Variants in MAP3K13 observed in about 807,000 individuals in gnomAD.
The protein encoded by MAP3K13 is leucine zipper-bearing kinase.
A neutral mutation model predicts 104.0 loss-of-function variants in MAP3K13; 52 were observed. The observed-to-expected ratio is 0.50, with a 90% CI of 0.40 to 0.63. MAP3K13 has a LOEUF of 0.63. MAP3K13 is among the 20% of genes least tolerant of loss of function. The pLI is 0.00. For synonymous variants in MAP3K13, 394 were observed against 442.2 expected (o/e 0.89, Z 1.37); for missense variants, 914 against 1,218.5 (o/e 0.75, Z 3.72).
At chr3:185,356,366 A>C (rs1275020827) in intron 2 of MAP3K13, among the ~76,000 whole-genome samples, 1 of 152,212 alleles carries the variant, frequency 6.6e-6, no homozygotes, top group African/African-American at 2.4e-5. Context: ...AACCTTTATC[A>C]AACTTGTTTG....
intron 2 of MAP3K13, among the ~76,000 whole-genome samples, chr3:185,337,821 G>A (rs936760459): frequency 6.6e-6 from 1 of 151,924 alleles, no homozygotes; most frequent in African/African-American, 2.4e-5. Flanking sequence ...ATAATATGGT[G>A]GGGGTGGGGA....
In MAP3K13 at chr3:185,486,279, T is replaced by G. The variant is rs943716065; in HGVS notation, c.*3823T>G. On this transcript the variant is annotated 3_prime_UTR_variant, in exon 14 of 14. Coordinates refer to ENST00000265026, the MANE Select transcript of MAP3K13 (RefSeq NM_004721.5). ...TTATGTGGATTAACTGTTATGAGTA[T>G]GTTAGGGTAGTACGTAGTGGCTGAA... The G allele has an allele frequency of 6.6e-6, 1 of 152,236 alleles. No homozygotes were observed. The highest frequency in any genetic ancestry group is 1.5e-5 in the Non-Finnish European group (1 of 68,052). The allele number at this position is 152,236 out of a possible 1,614,324, so 9.4% of individuals were successfully genotyped here.
intron 12 of MAP3K13, among the ~76,000 whole-genome samples, chr3:185,479,386 C>G (rs1718320435): frequency 6.6e-6 from 1 of 152,128 alleles, no homozygotes; most frequent in Non-Finnish European, 1.5e-5. Flanking sequence ...CATGGTGTGG[C>G]CTTAAACAAG....
At chr3:185,345,926 A>G (rs1722905449) in intron 2 of MAP3K13, among the ~76,000 whole-genome samples, 1 of 149,826 alleles carries the variant, frequency 6.7e-6, no homozygotes. Flanking sequence ...ATAGTGTATT[A>G]CAGAATCATT....
At chr3:185,465,419 C>T (rs1717355717) in intron 8 of MAP3K13, among the ~76,000 whole-genome samples, 1 of 152,220 alleles carries the variant, frequency 6.6e-6, no homozygotes, top group Admixed American at 6.5e-5. Flanking sequence ...ATGGTGTTGG[C>T]TTTAACTGCA....
chr3:185,468,925 A>G (rs1302244697), intron 10 of MAP3K13, among the ~76,000 whole-genome samples: 1 of 152,210 alleles, frequency 6.6e-6, no homozygotes, highest in Non-Finnish European at 1.5e-5. Context: ...GAGAAAATAG[A>G]ACTATTTAGC....
chr3:185,398,251 C>T (rs1712542665), intron 1 of MAP3K13, among the ~76,000 whole-genome samples: 1 of 152,000 alleles, frequency 6.6e-6, no homozygotes, highest in South Asian at 2.1e-4. Context: ...ATCTGTGAGC[C>T]AGTAGCCCTA....
At chr3:185,344,711 A>G (rs895192662) in intron 2 of MAP3K13, among the ~76,000 whole-genome samples, 2 of 152,066 alleles carry the variant, frequency 1.3e-5, no homozygotes, top group African/African-American at 4.8e-5. Context: ...TTAGGCCCTC[A>G]TGGCTGATTG....
At chr3:185,410,099 A>G (rs541678712) in intron 1 of MAP3K13, among the ~76,000 whole-genome samples, 47 of 152,354 alleles carry the variant, frequency 3.1e-4, no homozygotes, top group African/African-American at 1.1e-3. Context: ...GATGGGAGGC[A>G]GAGCTCAGGC....
rs1714587417 is a variant in MAP3K13 at position 185,428,893 on chromosome 3, G to A, written c.312G>A (p.Thr104=). ...ETAVSQGNSN[T]VDGESTSGTE... ...CGGTGTCTCAGGGGAACAGCAACAC[G>A]GTGGACGGAGAGAGCACAAGCGGAA... The change falls in exon 2 of 14, where the codon ACG becomes ACA. Residue 104 remains threonine (T), a synonymous_variant. Transcript: ENST00000265026. 3.1e-6 allele frequency: 5 copies of A among 1,614,190 alleles called. No individual in the cohort carries two copies. The highest frequency in any genetic ancestry group is 2.5e-6 in the Non-Finnish European group (3 of 1,180,028).
intron 2 of MAP3K13, among the ~76,000 whole-genome samples, chr3:185,314,514 G>C (rs1170953498): frequency 6.6e-6 from 1 of 152,060 alleles, no homozygotes; most frequent in African/African-American, 2.4e-5. Flanking sequence ...TACTCAGGAG[G>C]CTGAGGCGGG....
chr3:185,373,942 T>A (rs1178505685), intron 1 of MAP3K13, among the ~76,000 whole-genome samples: 1 of 151,562 alleles, frequency 6.6e-6, no homozygotes, highest in Admixed American at 6.6e-5. Flanking sequence ...TTAGTTCTTA[T>A]AGGTTTTGGG....
intron 2 of MAP3K13, among the ~76,000 whole-genome samples, chr3:185,335,589 T>C (rs1331785773): frequency 6.6e-6 from 1 of 152,194 alleles, no homozygotes; most frequent in African/African-American, 2.4e-5. Context: ...GGAGGATTGG[T>C]TCCACGACCT....
intron 1 of MAP3K13, chr3:185,285,333 C>T (rs754967296): frequency 3.0e-5 from 8 of 268,232 alleles, no homozygotes; most frequent in Non-Finnish European, 5.7e-5. Context: ...ATATTATTGT[C>T]TTACTTAAAA....
intron 2 of MAP3K13, among the ~76,000 whole-genome samples, chr3:185,307,638 G>T (rs1015406585): frequency 7.5e-6 from 1 of 133,180 alleles, no homozygotes; most frequent in Non-Finnish European, 1.5e-5. Flanking sequence ...CCGCCTCCCA[G>T]GTTAAAGCAA....
intron 3 of MAP3K13, among the ~76,000 whole-genome samples, chr3:185,441,255 TG>T (rs1252312236): frequency 1.3e-5 from 2 of 151,320 alleles, no homozygotes; most frequent in Non-Finnish European, 2.9e-5. Flanking sequence ...GAAATGTCCT[TG>T]AAAAATAGAA....
chr3:185,374,204 A>G (rs906393443), intron 1 of MAP3K13, among the ~76,000 whole-genome samples: 2 of 152,166 alleles, frequency 1.3e-5, no homozygotes, highest in Non-Finnish European at 1.5e-5. Flanking sequence ...CACTGGGGAT[A>G]TGATGGCTTG....
At chr3:185,335,223 A>G (rs529585315) in intron 2 of MAP3K13, among the ~76,000 whole-genome samples, 1 of 152,298 alleles carries the variant, frequency 6.6e-6, no homozygotes, top group East Asian at 1.9e-4. Flanking sequence ...TTGATCACAG[A>G]ATCCTTTATT....
chr3:185,454,955 TATATATATGAGATATATATATG>T lies in MAP3K13; in HGVS notation c.1278+3580_1278+3601del, dbSNP rs1560117990. 1.7e-4 allele frequency among the ~76,000 whole-genome samples: 15 copies of T among 89,542 alleles called. No individual in the cohort carries two copies. In the East Asian group the frequency reaches 2.6e-3, roughly 15 times the overall value. 58.7% of individuals were successfully genotyped at this position (89,542 alleles called of 152,430 possible). A position where few individuals can be genotyped will look rare whatever the true frequency, so the allele number is the denominator to read the frequency against. ...TGATATATATATGAGATATATATGA[TATATATATGAGATATATATATG>T]ATATATATGAGATATATATGATATA... On this transcript the variant is annotated intron_variant, in intron 7 of 13. Transcript: ENST00000265026.
Sources: allele counts gnomAD v4.1 joint callset (sites outside exome capture counted in the v4.1 genomes callset), GRCh38; gene constraint gnomAD v4.1.1; transcripts MANE v1.5; gene names NCBI Gene and HGNC (gene_info 2026-07-23, HGNC 2026-07-21).